Variants in CACNA2D3 observed in about 807,000 individuals in gnomAD.
The protein encoded by CACNA2D3 is calcium voltage-gated channel auxiliary subunit alpha2delta 3.
A neutral mutation model predicts 160.6 loss-of-function variants in CACNA2D3; 60 were observed. That is an observed-to-expected ratio of 0.37 (90% CI 0.30 to 0.46). The LOEUF (loss-of-function observed/expected upper bound fraction) is 0.46, where lower values mean the gene tolerates loss of function less well. Ranked by LOEUF, CACNA2D3 falls within the 20% of genes least tolerant of loss-of-function variation. The pLI is 1.00. For missense variants in CACNA2D3, 1,205 were observed against 1,365.0 expected, an observed-to-expected ratio of 0.88 and a Z score of 1.85; for synonymous variants, 558 against 492.9, an observed-to-expected ratio of 1.13 and a Z score of -1.75.
chr3:54,656,729 C>T (rs1395065712), intron 11 of CACNA2D3, among the ~76,000 whole-genome samples: 2 of 152,242 alleles, frequency 1.3e-5, no homozygotes, highest in Non-Finnish European at 2.9e-5. Flanking sequence ...CTTCCCAATT[C>T]TCAGATGGAT....
At chr3:54,976,789 T>A (rs1702400924) in intron 29 of CACNA2D3, among the ~76,000 whole-genome samples, 1 of 152,184 alleles carries the variant, frequency 6.6e-6, no homozygotes, top group African/African-American at 2.4e-5. Flanking sequence ...AGCTCTCAGC[T>A]CTGTTCCTTC....
rs141471215 is a variant in CACNA2D3 at position 54,261,304 on chromosome 3, C to T, written c.205-59138C>T. 7.4e-3 allele frequency among the ~76,000 whole-genome samples: 1,132 copies of T among 152,306 alleles called. 18 individuals are homozygous for T. The highest frequency in any genetic ancestry group is 0.026 in the African/African-American group (1,089 of 41,564). ...AATACTCAAGCCCGTCTTCTCTCCA[C>T]ATCTGGTGTCCAGTTTTATTTTTTG... is the stretch of plus-strand genomic sequence containing the variant. On this transcript the variant is annotated intron_variant, in intron 2 of 37. Coordinates refer to ENST00000474759, the MANE Select transcript of CACNA2D3 (RefSeq NM_018398.3).
chr3:54,986,546 T>C (rs1702616583), intron 30 of CACNA2D3, among the ~76,000 whole-genome samples: 1 of 152,204 alleles, frequency 6.6e-6, no homozygotes, highest in Non-Finnish European at 1.5e-5. Flanking sequence ...AGAGAAATGT[T>C]GTTTCCTTCT....
At chr3:54,458,630 C>T (rs1045878624) in intron 4 of CACNA2D3, among the ~76,000 whole-genome samples, 1 of 151,982 alleles carries the variant, frequency 6.6e-6, no homozygotes, top group Non-Finnish European at 1.5e-5. Flanking sequence ...GACAATTTGA[C>T]TACAGTGTGC....
At chr3:54,220,986 G>T (rs1197169756) in intron 2 of CACNA2D3, among the ~76,000 whole-genome samples, 1 of 152,174 alleles carries the variant, frequency 6.6e-6, no homozygotes, top group Admixed American at 6.5e-5. Flanking sequence ...GAATGGAGGG[G>T]GTGAGAAAGT....
At chr3:54,814,107 A>G (rs1265822228) in intron 13 of CACNA2D3, among the ~76,000 whole-genome samples, 1 of 152,010 alleles carries the variant, frequency 6.6e-6, no homozygotes, top group South Asian at 2.1e-4. Flanking sequence ...GGACTCAAGC[A>G]ATCTGCCCAA....
intron 27 of CACNA2D3, among the ~76,000 whole-genome samples, chr3:54,961,074 G>T (rs1702020825): frequency 6.6e-6 from 1 of 152,162 alleles, no homozygotes; most frequent in African/African-American, 2.4e-5. Context: ...AAAACAAACA[G>T]AAGAAAACAT....
chr3:55,029,177 C>T (rs548187752), intron 35 of CACNA2D3, among the ~76,000 whole-genome samples: 54 of 152,236 alleles, frequency 3.5e-4, no homozygotes, highest in Middle Eastern at 6.8e-3. Context: ...ATCCATTGCA[C>T]AATAGGGACA....
At chr3:54,160,031 G>T (rs1255893228) in intron 2 of CACNA2D3, among the ~76,000 whole-genome samples, 2 of 152,172 alleles carry the variant, frequency 1.3e-5, no homozygotes, top group African/African-American at 2.4e-5. Context: ...TTGGCTGAGT[G>T]CTTGTTGATC....
chr3:54,815,290 G>T (rs887721166), intron 13 of CACNA2D3, among the ~76,000 whole-genome samples: 1 of 152,164 alleles, frequency 6.6e-6, no homozygotes, highest in Admixed American at 6.5e-5. Flanking sequence ...TGTTGGAGAA[G>T]TTGGAGTCTG....
At chr3:54,749,895 A>G (rs893740256) in intron 11 of CACNA2D3, among the ~76,000 whole-genome samples, 37 of 152,330 alleles carry the variant, frequency 2.4e-4, no homozygotes, top group African/African-American at 8.7e-4. Context: ...TAAACCCCTC[A>G]GTACATTACC....
intron 4 of CACNA2D3, among the ~76,000 whole-genome samples, chr3:54,465,250 C>G (rs1175153550): frequency 6.6e-6 from 1 of 151,558 alleles, no homozygotes; most frequent in Non-Finnish European, 1.5e-5. Flanking sequence ...GTATTGTTTT[C>G]CTGATTTTAT....
At chr3:54,925,163 G>A in intron 27 of CACNA2D3, 1 of 1,614,086 alleles carries the variant, frequency 6.2e-7, no homozygotes, top group Non-Finnish European at 8.5e-7. Flanking sequence ...TGTCCGGGCA[G>A]CTGCATACCA....
chr3:54,711,981 A>G (rs1165712736), intron 11 of CACNA2D3, among the ~76,000 whole-genome samples: 1 of 152,210 alleles, frequency 6.6e-6, no homozygotes, highest in Admixed American at 6.5e-5. Context: ...GCAAGAAATA[A>G]TAGAGACAAT....
chr3:54,632,690 C>T (rs1181318246), intron 10 of CACNA2D3: 1 of 152,148 alleles, frequency 6.6e-6, no homozygotes, highest in Non-Finnish European at 1.5e-5. Flanking sequence ...CCTAATATTT[C>T]TGTTGAGGTT....
At chr3:54,537,713 T>C (rs1424391612) in intron 5 of CACNA2D3, among the ~76,000 whole-genome samples, 1 of 152,124 alleles carries the variant, frequency 6.6e-6, no homozygotes, top group Non-Finnish European at 1.5e-5. Flanking sequence ...AAGTAGGGAT[T>C]TGAACCTGGC....
intron 2 of CACNA2D3, among the ~76,000 whole-genome samples, chr3:54,250,947 C>T (rs137879972): frequency 6.6e-6 from 1 of 151,830 alleles, no homozygotes; most frequent in Admixed American, 6.6e-5. Flanking sequence ...ATTTGAAGGC[C>T]AATGACAGGA....
At chr3:55,035,587 T>G (rs1193128384) in intron 35 of CACNA2D3, among the ~76,000 whole-genome samples, 1 of 152,224 alleles carries the variant, frequency 6.6e-6, no homozygotes, top group Non-Finnish European at 1.5e-5. Flanking sequence ...TGAATTATGC[T>G]AATACTATTG....
chr3:54,776,126 T>C (rs1489642069), intron 13 of CACNA2D3, among the ~76,000 whole-genome samples: 2 of 152,212 alleles, frequency 1.3e-5, no homozygotes, highest in East Asian at 1.9e-4. Context: ...CATGGTTCCA[T>C]TGAGGTCAGA....
Sources: allele counts gnomAD v4.1 joint callset (sites outside exome capture counted in the v4.1 genomes callset), GRCh38; gene constraint gnomAD v4.1.1; transcripts MANE v1.5; gene names NCBI Gene and HGNC (gene_info 2026-07-23, HGNC 2026-07-21).